SSPN: variants seen among roughly 807,000 people sequenced by gnomAD.
SSPN encodes the protein sarcospan, also known as K-ras oncogene-associated protein.
SSPN carries 15 observed loss-of-function variants against 19.1 expected under a neutral mutation model. The observed-to-expected ratio is 0.78, with a 90% CI of 0.52 to 1.21. The LOEUF (loss-of-function observed/expected upper bound fraction) is 1.21, where lower values mean the gene tolerates loss of function less well. Among genes scored for constraint, SSPN ranks in the 50% most tolerant of loss-of-function variants. The probability of loss-of-function intolerance (pLI) is 0.00; values close to 1 mark genes in which losing one functional copy is unlikely to be tolerated. For missense variants in SSPN, 291 were observed against 314.0 expected, an observed-to-expected ratio of 0.93 and a Z score of 0.55; for synonymous variants, 147 against 140.3, an observed-to-expected ratio of 1.05 and a Z score of -0.34.
intron 1 of SSPN, among the ~76,000 whole-genome samples, chr12:26,174,507 T>TCCTTCCTTCCTTCCTTCCTTCCTTCCTTA (rs1555177713): frequency 8.6e-6 from 1 of 116,750 alleles, no homozygotes; most frequent in African/African-American, 4.1e-5. Flanking sequence ...TTCCTTCCCT[T>TCCTTCCTTCCTTCCTTCCTTCCTTCCTTA]CCTTCCTTCC....
At chr12:26,177,800 C>CT (rs1273336614) in intron 1 of SSPN, among the ~76,000 whole-genome samples, 1 of 152,176 alleles carries the variant, frequency 6.6e-6, no homozygotes, top group Non-Finnish European at 1.5e-5. Context: ...TGCCGGCTGG[C>CT]TCTTTACACA....
At chr12:26,122,391 T>C in intron 1 of SSPN, 4 of 1,252,478 alleles carry the variant, frequency 3.2e-6, no homozygotes, top group Non-Finnish European at 4.0e-6. Context: ...CGGGTACAGA[T>C]ACTTCTCCAG....
chr12:26,143,445 G>GAA (rs1944472213), intron 1 of SSPN, among the ~76,000 whole-genome samples: 1 of 152,172 alleles, frequency 6.6e-6, no homozygotes, highest in African/African-American at 2.4e-5. Context: ...GAATCTCAGA[G>GAA]AGGCTAAGTA....
intron 1 of SSPN, among the ~76,000 whole-genome samples, chr12:26,136,725 A>G (rs1489985500): frequency 6.6e-6 from 1 of 152,248 alleles, no homozygotes; most frequent in Non-Finnish European, 1.5e-5. Context: ...ACAGAAGGCC[A>G]GACCTGTCAA....
At chr12:26,122,435 G>A in intron 1 of SSPN, 1 of 1,354,708 alleles carries the variant, frequency 7.4e-7, no homozygotes, top group Non-Finnish European at 9.6e-7. Flanking sequence ...GCACGTAGGC[G>A]GCAGCTGCAG....
chr12:26,218,686 T>C (rs1181761884), intron 1 of SSPN, among the ~76,000 whole-genome samples: 2 of 152,296 alleles, frequency 1.3e-5, no homozygotes, highest in East Asian at 1.9e-4. Context: ...CTCCAGTCTT[T>C]CTGGAATCTT....
intron 1 of SSPN, 34 bp from the exon 2 acceptor site, chr12:26,224,259 G>A (rs772115161): frequency 1.3e-6 from 2 of 1,507,836 alleles, no homozygotes; most frequent in South Asian, 1.1e-5. Context: ...AACGTACCCT[G>A]ATAACATCCT....
In SSPN at chr12:26,121,994, C is replaced by T. The variant is rs925388704; in HGVS notation, c.-189C>T. 2.6e-6 allele frequency: 4 copies of T among 1,542,798 alleles called. No homozygotes were observed. The African/African-American group carries it at 5.5e-5, about 21-fold the overall frequency. Reference sequence around the variant, plus strand: ...CTTAAGGGTATTTTAACTTCTCACTCTGCTTGAACCTCCTTAAGGGTATTT... The same window carrying T: ...CTTAAGGGTATTTTAACTTCTCACTTTGCTTGAACCTCCTTAAGGGTATTT... On this transcript the variant is annotated 5_prime_UTR_variant, in exon 1 of 3. Transcript: ENST00000538142.
intron 1 of SSPN, among the ~76,000 whole-genome samples, chr12:26,148,074 T>C (rs953671084): frequency 1.3e-5 from 2 of 152,224 alleles, no homozygotes; most frequent in African/African-American, 4.8e-5. Context: ...GAATTCTGTT[T>C]TATAAATTTC....
chr12:26,122,456 G>A lies in SSPN; in HGVS notation c.-31+304G>A, dbSNP rs768789017. On this transcript the variant is annotated intron_variant, in intron 1 of 2. Coordinates refer to the SSPN transcript ENST00000538142. ...AGGCGGCAGCTGCAGAAGGCGAGAG[G>A]AAGCAGAAGGGCAGGCAGAAGGGGG... 13 of 1,357,124 alleles carry A rather than the reference G, an allele frequency of 9.6e-6. No individual in the cohort carries two copies. In the Admixed American group the frequency reaches 1.9e-4, roughly 20 times the overall value. 84.1% of individuals were successfully genotyped at this position (1,357,124 alleles called of 1,614,324 possible). A position where few individuals can be genotyped will look rare whatever the true frequency, so the allele number is the denominator to read the frequency against.
intron 1 of SSPN, among the ~76,000 whole-genome samples, chr12:26,204,495 A>T (rs1039084999): frequency 2.5e-5 from 3 of 121,566 alleles, no homozygotes; most frequent in African/African-American, 8.8e-5. Flanking sequence ...GTCAAGATGT[A>T]GCTCAAGGAT....
At chr12:26,225,912 A>C (rs1261815737) in intron 2 of SSPN, among the ~76,000 whole-genome samples, 1 of 152,058 alleles carries the variant, frequency 6.6e-6, no homozygotes, top group Non-Finnish European at 1.5e-5. Flanking sequence ...CAGAGTCAAA[A>C]GCATCAGCTT....
rs768349974 is a variant in SSPN at position 26,196,093 on chromosome 12, G to C, written c.279+142G>C. On this transcript the variant is annotated intron_variant, in intron 1 of 2. Coordinates refer to ENST00000242729, the MANE Select transcript of SSPN (RefSeq NM_005086.5). ...TCGCGCTCTGCTCGGTGACTGATGCGTGGGGCACTGGGTTTTCCCGGGCGG... is the reference window on the plus strand; with the variant it reads ...TCGCGCTCTGCTCGGTGACTGATGCCTGGGGCACTGGGTTTTCCCGGGCGG... The C allele has an allele frequency of 2.2e-5, 16 of 721,778 alleles. 1 individual carries two copies. Among genetic ancestry groups the C allele is most frequent in the African/African-American group, 3.8e-5 (2 of 53,158 alleles). 44.7% of individuals were successfully genotyped at this position (721,778 alleles called of 1,614,324 possible).
intron 1 of SSPN, among the ~76,000 whole-genome samples, chr12:26,206,177 G>C (rs1944929791): frequency 6.6e-6 from 1 of 152,176 alleles, no homozygotes; most frequent in Non-Finnish European, 1.5e-5. Flanking sequence ...GCTAACCCGT[G>C]TTGCCATGGG....
chr12:26,218,009 C>T (rs1437077265), intron 1 of SSPN, among the ~76,000 whole-genome samples: 2 of 151,586 alleles, frequency 1.3e-5, no homozygotes, highest in African/African-American at 4.9e-5. Context: ...TATAAAGACA[C>T]ATGCACACGT....
At chr12:26,127,448 T>TC (rs1944373057) in intron 1 of SSPN, among the ~76,000 whole-genome samples, 1 of 152,092 alleles carries the variant, frequency 6.6e-6, no homozygotes, top group South Asian at 2.1e-4. Flanking sequence ...GGCTCCTCTC[T>TC]CCCCCCATCC....
chr12:26,163,986 C>A (rs532141209), intron 1 of SSPN, among the ~76,000 whole-genome samples: 3 of 152,176 alleles, frequency 2.0e-5, no homozygotes, highest in Non-Finnish European at 2.9e-5. Flanking sequence ...TAGTATATAT[C>A]ATTTGAATGT....
chr12:26,171,934 C>T (rs1378630897), intron 1 of SSPN, among the ~76,000 whole-genome samples: 1 of 152,136 alleles, frequency 6.6e-6, no homozygotes, highest in African/African-American at 2.4e-5. Context: ...GTAGGGGAAG[C>T]CATCTAAACA....
Position 26,232,793 on chromosome 12 carries a change from C to T in SSPN, c.*1717C>T, listed in dbSNP as rs1051102980. The T allele has an allele frequency of 5.8e-6, 5 of 862,038 alleles. No homozygotes were observed. The African/African-American group carries it at 7.3e-5, about 13-fold the overall frequency. 53.4% of individuals were successfully genotyped at this position (862,038 alleles called of 1,614,324 possible). ...TTGATTTGCTTTAAAAATGGCCTTC[C>T]TACACATTAGCTCCAGCTAAAAAGA... is the stretch of plus-strand genomic sequence containing the variant. On this transcript the variant is annotated 3_prime_UTR_variant, in exon 3 of 3. Transcript: ENST00000242729.
Sources: allele counts gnomAD v4.1 joint callset (sites outside exome capture counted in the v4.1 genomes callset), GRCh38; gene constraint gnomAD v4.1.1; transcripts MANE v1.5; gene names NCBI Gene and HGNC (gene_info 2026-07-23, HGNC 2026-07-21).